BARHL1: variants seen among roughly 807,000 people sequenced by gnomAD.
The protein encoded by BARHL1 is barH-like 1 homeobox protein.
A neutral mutation model predicts 20.1 loss-of-function variants in BARHL1; 2 were observed. The ratio of observed to expected loss-of-function variants is 0.10; its 90% CI spans 0.04 to 0.31. The LOEUF is 0.31. Ranked by LOEUF, BARHL1 falls within the 10% of genes least tolerant of loss-of-function variation. The probability of loss-of-function intolerance (pLI) is 1.00; values close to 1 mark genes in which losing one functional copy is unlikely to be tolerated. For synonymous variants in BARHL1, 213 were observed against 209.9 expected (o/e 1.01, Z -0.13); for missense variants, 397 against 454.0 (o/e 0.87, Z 1.14).
At position 132,583,098 on chromosome 9, in the gene BARHL1, A is replaced by C; in HGVS notation, c.301A>C (p.Ile101Leu). The C allele has an allele frequency of 6.2e-7, 1 of 1,613,846 alleles. No individual in the cohort carries two copies. Among genetic ancestry groups the C allele is most frequent in the South Asian group, 1.1e-5 (1 of 91,086 alleles). ...CACCTCCTCCTTTCTGATCAGGGAC[A>C]TCCTTGCCGACTGCAAACCACTCGC... The part of the protein sequence containing the change: ...TVTSSFLIRD[I>L]LADCKPLAAC... Residue 101 changes from isoleucine to leucine, a missense_variant, in exon 1 of 3, where the codon ATC becomes CTC. Transcript: ENST00000263610.
At position 132,589,302 on chromosome 9, in the gene BARHL1, G is replaced by A. The variant is rs746984017; in HGVS notation, c.764G>A (p.Arg255Gln). ...GCAGGCAATTACTCAGCGCTCCAGC[G>A]GATGTTCCCGTCGCCTTATTTCTAC... The part of the protein sequence containing the change: ...AEAGNYSALQ[R>Q]MFPSPYFYPQ... The change falls in exon 3 of 3, where the codon CGG (arginine) becomes CAG (glutamine). Residue 255 changes from arginine to glutamine, a missense_variant. Transcript: ENST00000263610. 6.2e-7 allele frequency: 1 copy of A among 1,613,468 alleles called. No individual in the cohort carries two copies. Among genetic ancestry groups the A allele is most frequent in the South Asian group, 1.1e-5 (1 of 91,070 alleles).
intron 1 of BARHL1, among the ~76,000 whole-genome samples, chr9:132,586,146 G>T (rs76017446): frequency 6.6e-6 from 1 of 152,330 alleles, no homozygotes; most frequent in African/African-American, 2.4e-5. Context: ...GCAGCGAAGC[G>T]CTGCCTTTTC....
At chr9:132,584,154 GAA>G (rs1355008034) in intron 1 of BARHL1, among the ~76,000 whole-genome samples, 11 of 151,892 alleles carry the variant, frequency 7.2e-5, no homozygotes, top group African/African-American at 2.7e-4. Flanking sequence ...AGGAAGGAAG[GAA>G]GGAAGGAAGG....
At position 132,583,058 on chromosome 9, in the gene BARHL1, C is replaced by A. The variant is rs1235529885; in HGVS notation, c.261C>A (p.Ala87=). 6.2e-7 allele frequency: 1 copy of A among 1,613,800 alleles called. No homozygotes were observed. The highest frequency in any genetic ancestry group is 1.3e-5 in the African/African-American group (1 of 74,930). ...AGCCCGGGCAGCTCTCAGCCCCGGC[C>A]CAGTCGCGCACCGTCACCTCCTCCT... is the stretch of plus-strand genomic sequence containing the variant. The part of the protein sequence containing the change: ...HLQPGQLSAP[A]QSRTVTSSFL... The change falls in exon 1 of 3, where the codon GCC becomes GCA. Residue 87 remains alanine (A), a synonymous_variant. Coordinates refer to ENST00000263610, the MANE Select transcript of BARHL1 (RefSeq NM_020064.4).
In BARHL1 at chr9:132,589,925, C is replaced by T. The variant is rs565807034; in HGVS notation, c.*403C>T. 7.2e-5 allele frequency: 12 copies of T among 167,250 alleles called. No individual in the cohort carries two copies. In the South Asian group the frequency reaches 2.0e-3, roughly 28 times the overall value. 10.4% of individuals were successfully genotyped at this position (167,250 alleles called of 1,614,324 possible). On this transcript the variant is annotated 3_prime_UTR_variant, in exon 3 of 3. Transcript: ENST00000263610. ...ACGCTCCAGGTGGAGAACAGCCCCT[C>T]TCCCCGCGCCCCCGCCAGGGAGAGA... is the stretch of plus-strand genomic sequence containing the variant.
rs1830091822 is a variant in BARHL1, at chr9:132,583,036, C to T, written c.239C>T (p.Pro80Leu). 6.2e-7 allele frequency: 1 copy of T among 1,613,836 alleles called. No homozygotes were observed. Among genetic ancestry groups the T allele is most frequent in the East Asian group, 2.2e-5 (1 of 44,876 alleles). The part of the protein sequence containing the change: ...SGPGLDSHLQ[P>L]GQLSAPAQSR... The stretch of plus-strand genomic sequence containing the variant: ...CCAGGTTTGGACTCCCACCTGCAGC[C>T]CGGGCAGCTCTCAGCCCCGGCCCAG... The change falls in exon 1 of 3, where the codon CCC (proline) becomes CTC (leucine). Residue 80 changes from proline (P) to leucine (L), a missense_variant. Pro to Leu is a moderately conservative substitution (Grantham distance 98, BLOSUM62 -3). Around this residue, in one of 3 missense-constraint regions of BARHL1, gnomAD observed 272 missense variants for 298.7 expected, o/e 0.91. Coordinates refer to ENST00000263610, the MANE Select transcript of BARHL1 (RefSeq NM_020064.4).
At chr9:132,586,081 G>A (rs1830141466) in intron 1 of BARHL1, among the ~76,000 whole-genome samples, 1 of 152,252 alleles carries the variant, frequency 6.6e-6, no homozygotes, top group African/African-American at 2.4e-5. Flanking sequence ...TTAGCGGGCT[G>A]CCGTTTCTCC....
intron 1 of BARHL1, among the ~76,000 whole-genome samples, chr9:132,586,526 C>T (rs1401361352): frequency 6.6e-6 from 1 of 152,244 alleles, no homozygotes; most frequent in African/African-American, 2.4e-5. Flanking sequence ...TAATTCTGTC[C>T]CGACTGTGGG....
rs377171961 is a variant in BARHL1 at position 132,589,428 on chromosome 9, G to A, written c.890G>A (p.Arg297His). The A allele has an allele frequency of 2.5e-6, 4 of 1,608,532 alleles. No homozygotes were observed. The highest frequency in any genetic ancestry group is 2.7e-5 in the African/African-American group (2 of 74,652). ...PPALQRPLVP[R>H]ILIHGLQGAS... ...GCTCTCCAGAGACCTCTGGTGCCCC[G>A]CATCCTCATCCACGGACTCCAGGGC... Residue 297 changes from arginine to histidine, a missense_variant, in exon 3 of 3, where the codon CGC becomes CAC. Arg to His is a conservative substitution (Grantham distance 29). Transcript: ENST00000263610.
Position 132,589,552 on chromosome 9 carries a change from G to A in BARHL1, c.*30G>A, listed in dbSNP as rs985384907. Reference sequence around the variant, plus strand: ...CCCGTCGGCTCCGGGGCCTCCTCCCGCGGGCTCGGCGTGGCCCCTTCCGCC... The same window carrying A: ...CCCGTCGGCTCCGGGGCCTCCTCCCACGGGCTCGGCGTGGCCCCTTCCGCC... On this transcript the variant is annotated 3_prime_UTR_variant, in exon 3 of 3. Coordinates refer to ENST00000263610, the MANE Select transcript of BARHL1 (RefSeq NM_020064.4). The A allele has an allele frequency of 2.4e-5, 31 of 1,267,744 alleles. 1 individual carries two copies. The Middle Eastern group carries it at 8.8e-4, about 36-fold the overall frequency. 78.5% of individuals were successfully genotyped at this position (1,267,744 alleles called of 1,614,324 possible).
At chr9:132,585,591 G>T (rs1468944542) in intron 1 of BARHL1, among the ~76,000 whole-genome samples, 1 of 152,172 alleles carries the variant, frequency 6.6e-6, no homozygotes, top group South Asian at 2.1e-4. Context: ...AGGCAGGGTC[G>T]GTGAATGGGC....
intron 2 of BARHL1, among the ~76,000 whole-genome samples, chr9:132,588,761 G>T (rs901051537): frequency 6.6e-6 from 1 of 151,716 alleles, no homozygotes; most frequent in Admixed American, 6.6e-5. Flanking sequence ...CGGCCAGCCT[G>T]CAGAGGAATC....
rs1162461495 is a variant in BARHL1, at chr9:132,587,301, G to A, written c.467-28G>A. 3 of 1,562,966 alleles carry A rather than the reference G, an allele frequency of 1.9e-6. No individual in the cohort carries two copies. The highest frequency in any genetic ancestry group is 2.7e-5 in the African/African-American group (2 of 73,966). On this transcript the variant is annotated intron_variant, in intron 1 of 2. Coordinates refer to ENST00000263610, the MANE Select transcript of BARHL1 (RefSeq NM_020064.4). This position sits in a 1 kb window ranked among gnomAD's most constrained non-coding sequence, Gnocchi z 5.5. ...GGGCACCGGCGGCGGCTGCGAGGCC[G>A]GGCCCTGACATGCCGCTGTGTCCGC...
Position 132,587,202 on chromosome 9 carries a change from C to A in BARHL1, c.467-127C>A, listed in dbSNP as rs1830153144. 4.3e-6 allele frequency: 4 copies of A among 930,618 alleles called. No individual in the cohort carries two copies. Among genetic ancestry groups the A allele is most frequent in the Non-Finnish European group, 6.5e-6 (4 of 619,304 alleles). The allele number at this position is 930,618 out of a possible 1,614,324, so 57.6% of individuals were successfully genotyped here. On this transcript the variant is annotated intron_variant, in intron 1 of 2. Transcript: ENST00000263610. The surrounding 1 kb of genome is among the most constrained non-coding windows in gnomAD (Gnocchi z 5.5). Reference sequence around the variant, plus strand: ...CAGAGGTCCCGTCTGAGAGCGGCCCCCGCGAGCTTGGGTGTCGCGGAACCA... The same window carrying A: ...CAGAGGTCCCGTCTGAGAGCGGCCCACGCGAGCTTGGGTGTCGCGGAACCA...
At chr9:132,585,358 G>T (rs1044550402) in intron 1 of BARHL1, among the ~76,000 whole-genome samples, 1 of 152,168 alleles carries the variant, frequency 6.6e-6, no homozygotes, top group African/African-American at 2.4e-5. Flanking sequence ...CATTTAAGCT[G>T]GTCTACTCTC....
chr9:132,590,102 C>T lies in BARHL1; in HGVS notation c.*580C>T. The T allele has an allele frequency of 6.5e-6, 1 of 153,092 alleles. No individual in the cohort carries two copies. The allele number at this position is 153,092 out of a possible 1,614,324, so 9.5% of individuals were successfully genotyped here. On this transcript the variant is annotated 3_prime_UTR_variant, in exon 3 of 3. Transcript: ENST00000263610. Reference sequence around the variant, plus strand: ...TGGATTAGTGAGTCTGTGGCCTGTGCCCTCCCCACTCCCAGGCGGGGCAGG... The same window carrying T: ...TGGATTAGTGAGTCTGTGGCCTGTGTCCTCCCCACTCCCAGGCGGGGCAGG...
chr9:132,587,700 G>C lies in BARHL1; in HGVS notation c.689+149G>C. On this transcript the variant is annotated intron_variant, in intron 2 of 2. Transcript: ENST00000263610. This position sits in a 1 kb window ranked among gnomAD's most constrained non-coding sequence, Gnocchi z 5.5. ...AAAAGTGGGAAACTGAGTCCCTAAG[G>C]GGACAAGGCCTTGCCCAAAGTCCCC... The C allele has an allele frequency of 1.3e-6, 1 of 767,364 alleles. No individual in the cohort carries two copies. 47.5% of individuals were successfully genotyped at this position (767,364 alleles called of 1,614,324 possible).
rs1352888524 is a variant in BARHL1 at position 132,587,871 on chromosome 9, C to T, written c.689+320C>T. Among the ~76,000 whole-genome samples the T allele has an allele frequency of 1.3e-5, 2 of 152,218 alleles. No homozygotes were observed. The highest frequency in any genetic ancestry group is 2.4e-5 in the African/African-American group (1 of 41,446). On this transcript the variant is annotated intron_variant, in intron 2 of 2. Transcript: ENST00000263610. This position sits in a 1 kb window ranked among gnomAD's most constrained non-coding sequence, Gnocchi z 5.5. Reference sequence around the variant, plus strand: ...TGGGGGGAGGTCTGCCTGGAGCCCCCACCTGAGCCAGCGTGGGTCTTGGAA... The same window carrying T: ...TGGGGGGAGGTCTGCCTGGAGCCCCTACCTGAGCCAGCGTGGGTCTTGGAA...
In BARHL1 at chr9:132,589,583, T is replaced by C; in HGVS notation, c.*61T>C. The stretch of plus-strand genomic sequence containing the variant: ...TCGGCGTGGCCCCTTCCGCCCGCCT[T>C]TCTGAGGGCGCAGGTTCGACGCCCT... On this transcript the variant is annotated 3_prime_UTR_variant, in exon 3 of 3. Coordinates refer to ENST00000263610, the MANE Select transcript of BARHL1 (RefSeq NM_020064.4). The C allele has an allele frequency of 1.6e-6, 2 of 1,239,538 alleles. No homozygotes were observed. The highest frequency in any genetic ancestry group is 2.0e-6 in the Non-Finnish European group (2 of 995,382). The allele number at this position is 1,239,538 out of a possible 1,614,324, so 76.8% of individuals were successfully genotyped here.
Sources: allele counts gnomAD v4.1 joint callset (sites outside exome capture counted in the v4.1 genomes callset), GRCh38; gene constraint gnomAD v4.1.1; regional missense constraint gnomAD v4.1.1; non-coding constraint Gnocchi (gnomAD v3.1); transcripts MANE v1.5; gene names NCBI Gene and HGNC (gene_info 2026-07-23, HGNC 2026-07-21).